The following CSRNP3 variants were observed in gnomAD, a reference collection of about 807,000 sequenced individuals.
The protein encoded by CSRNP3 is cysteine and serine rich nuclear protein 3.
A neutral mutation model predicts 48.0 loss-of-function variants in CSRNP3; 12 were observed. That is an observed-to-expected ratio of 0.25 (90% CI 0.16 to 0.41). CSRNP3 has a LOEUF of 0.41. Among genes scored for constraint, CSRNP3 ranks in the 10% least tolerant of loss-of-function variants. CSRNP3 has a pLI of 1.00. For synonymous variants in CSRNP3, 263 were observed against 269.7 expected, an observed-to-expected ratio of 0.98 and a Z score of 0.24; for missense variants, 580 against 724.4, an observed-to-expected ratio of 0.80 and a Z score of 2.29.
At chr2:165,550,288 T>C (rs1685080765) in intron 3 of CSRNP3, among the ~76,000 whole-genome samples, 1 of 152,214 alleles carries the variant, frequency 6.6e-6, no homozygotes, top group South Asian at 2.1e-4. Flanking sequence ...TTGTAGAATA[T>C]TATTATAAAT....
At chr2:165,568,618 A>G (rs1394324157) in intron 3 of CSRNP3, among the ~76,000 whole-genome samples, 1 of 152,108 alleles carries the variant, frequency 6.6e-6, no homozygotes, top group Non-Finnish European at 1.5e-5. Flanking sequence ...TGGAAGCCAC[A>G]GGGTTTATTA....
At chr2:165,505,685 C>T (rs552383785) in intron 2 of CSRNP3, among the ~76,000 whole-genome samples, 16 of 152,058 alleles carry the variant, frequency 1.1e-4, no homozygotes, top group South Asian at 4.2e-4. Flanking sequence ...TTCTAACTTC[C>T]GGAGGTTTTT....
At chr2:165,559,274 A>G (rs1278363273) in intron 3 of CSRNP3, among the ~76,000 whole-genome samples, 1 of 152,204 alleles carries the variant, frequency 6.6e-6, no homozygotes, top group Non-Finnish European at 1.5e-5. Context: ...TGGTCTGTGA[A>G]GGTGAGAAAT....
intron 3 of CSRNP3, among the ~76,000 whole-genome samples, chr2:165,538,236 A>G (rs1684906773): frequency 6.6e-6 from 1 of 151,906 alleles, no homozygotes; most frequent in African/African-American, 2.4e-5. Context: ...TTCCCATGAC[A>G]CTTTGTATAA....
At chr2:165,477,405 G>A (rs546323175) in intron 1 of CSRNP3, among the ~76,000 whole-genome samples, 2 of 147,806 alleles carry the variant, frequency 1.4e-5, no homozygotes, top group South Asian at 2.1e-4. Context: ...GATCACATGA[G>A]GTCAGAAGTT....
At chr2:165,515,321 C>CA (rs373110199) in intron 2 of CSRNP3, among the ~76,000 whole-genome samples, 1,358 of 100,752 alleles carry the variant, frequency 0.013, 21 homozygotes, top group East Asian at 0.055. Flanking sequence ...GACTCCATCT[C>CA]AAAAAAAAAA....
chr2:165,530,851 G>A (rs921981325), intron 3 of CSRNP3, among the ~76,000 whole-genome samples: 3 of 151,608 alleles, frequency 2.0e-5, no homozygotes, highest in Non-Finnish European at 4.4e-5. Flanking sequence ...TATATCACTC[G>A]TGATTATCTT....
At chr2:165,484,472 G>T (rs905240328) in intron 1 of CSRNP3, among the ~76,000 whole-genome samples, 2 of 152,098 alleles carry the variant, frequency 1.3e-5, no homozygotes, top group South Asian at 2.1e-4. Context: ...GACTTCTAAC[G>T]TACACAACAA....
intron 3 of CSRNP3, among the ~76,000 whole-genome samples, chr2:165,531,971 A>C (rs1467532733): frequency 6.6e-6 from 1 of 152,196 alleles, no homozygotes; most frequent in Non-Finnish European, 1.5e-5. Flanking sequence ...GAAGTGGATA[A>C]ATTCCTCGAC....
chr2:165,596,806 G>GA (rs1317496279), intron 4 of CSRNP3, among the ~76,000 whole-genome samples: 1 of 152,122 alleles, frequency 6.6e-6, no homozygotes, highest in Non-Finnish European at 1.5e-5. Flanking sequence ...TAATACACAT[G>GA]AAAAAACGTT....
chr2:165,578,063 C>T (rs1284978126), intron 3 of CSRNP3, among the ~76,000 whole-genome samples: 1 of 151,990 alleles, frequency 6.6e-6, no homozygotes, highest in Non-Finnish European at 1.5e-5. Context: ...TTTGAACTTA[C>T]TTTATATCAA....
At chr2:165,626,083 C>G (rs1342938636) in intron 4 of CSRNP3, among the ~76,000 whole-genome samples, 2 of 150,662 alleles carry the variant, frequency 1.3e-5, no homozygotes, top group Non-Finnish European at 3.0e-5. Context: ...ATTAGCCCAG[C>G]ATGGTGGTGG....
chr2:165,599,763 T>G (rs1313590775), intron 4 of CSRNP3, among the ~76,000 whole-genome samples: 1 of 152,114 alleles, frequency 6.6e-6, no homozygotes, highest in Non-Finnish European at 1.5e-5. Flanking sequence ...AATGGTTTTG[T>G]TGGATGTGAA....
rs1251826942 is a variant in CSRNP3 at position 165,574,299 on chromosome 2, G to C, written c.-23-20744G>C. The C allele has an allele frequency of 6.0e-6, 8 of 1,336,492 alleles. No homozygotes were observed. The Admixed American group carries it at 1.6e-4, about 27-fold the overall frequency. 82.8% of individuals were successfully genotyped at this position (1,336,492 alleles called of 1,614,324 possible). A position where few individuals can be genotyped will look rare whatever the true frequency, so the allele number is the denominator to read the frequency against. ...AGGTCACAGGGCTGGTGGAAAGCTG[G>C]ATCAGTTGCCTGAAAAAAATGTACT... On this transcript the variant is annotated intron_variant, in intron 3 of 6. Transcript: ENST00000651982.
chr2:165,604,444 A>G (rs1685976209), intron 4 of CSRNP3, among the ~76,000 whole-genome samples: 1 of 152,214 alleles, frequency 6.6e-6, no homozygotes, highest in African/African-American at 2.4e-5. Flanking sequence ...TGGTACAAAC[A>G]TTAGTGGAAA....
At chr2:165,670,882 G>C (rs2105358736) in intron 5 of CSRNP3, among the ~76,000 whole-genome samples, 1 of 151,994 alleles carries the variant, frequency 6.6e-6, no homozygotes, top group African/African-American at 2.4e-5. Flanking sequence ...CTCTTGGGGA[G>C]GCAACATTAT....
chr2:165,673,358 G>A (rs1267308983), intron 5 of CSRNP3, among the ~76,000 whole-genome samples: 3 of 151,696 alleles, frequency 2.0e-5, no homozygotes, highest in Non-Finnish European at 2.9e-5. Context: ...GGCTGGTCTC[G>A]AACTCCTGAC....
At chr2:165,600,602 C>G (rs951235125) in intron 4 of CSRNP3, among the ~76,000 whole-genome samples, 5 of 152,156 alleles carry the variant, frequency 3.3e-5, no homozygotes, top group Non-Finnish European at 7.4e-5. Flanking sequence ...CCTGTTGTTT[C>G]CTGACTTTTT....
At chr2:165,585,883 G>A (rs905201250) in intron 3 of CSRNP3, among the ~76,000 whole-genome samples, 1 of 152,062 alleles carries the variant, frequency 6.6e-6, no homozygotes, top group Non-Finnish European at 1.5e-5. Flanking sequence ...CAATGCAAAG[G>A]ATAAACCGAA....
Sources: allele counts gnomAD v4.1 joint callset (sites outside exome capture counted in the v4.1 genomes callset), GRCh38; gene constraint gnomAD v4.1.1; transcripts MANE v1.5; gene names NCBI Gene and HGNC (gene_info 2026-07-23, HGNC 2026-07-21).